The following SEMA5B variants were observed in gnomAD, a reference collection of about 807,000 sequenced individuals.
SEMA5B encodes the protein semaphorin 5B.
SEMA5B carries 66 observed loss-of-function variants against 135.0 expected under a neutral mutation model. That is an observed-to-expected ratio of 0.49 (90% CI 0.40 to 0.60). The LOEUF is 0.60. Ranked by LOEUF, SEMA5B falls within the 20% of genes least tolerant of loss-of-function variation. The probability of loss-of-function intolerance (pLI) is 0.00; values close to 1 mark genes in which losing one functional copy is unlikely to be tolerated. For missense variants in SEMA5B, 1,501 were observed against 1,566.3 expected, an observed-to-expected ratio of 0.96 and a Z score of 0.70; for synonymous variants, 690 against 639.5, an observed-to-expected ratio of 1.08 and a Z score of -1.19.
In SEMA5B at chr3:122,913,634, G is replaced by A. The variant is rs1205387351; in HGVS notation, c.2180C>T (p.Ser727Phe). The change falls in exon 16 of 23, where the codon TCC becomes TTC. Residue 727 changes from serine (S) to phenylalanine (F), a missense_variant. Physicochemically the swap from Ser to Phe is radical, Grantham distance 155. Transcript: ENST00000357599. ...TPCPVPIFWA[S>F]WGSWSKCSSN... Reference sequence around the variant, plus strand: ...GCTGCACTTGCTCCAGGAGCCCCAGGAAGCCCAGAAGATGGGCACCGGGCA... The same window carrying A: ...GCTGCACTTGCTCCAGGAGCCCCAGAAAGCCCAGAAGATGGGCACCGGGCA... 1.9e-6 allele frequency: 3 copies of A among 1,613,584 alleles called. No individual in the cohort carries two copies. The highest frequency in any genetic ancestry group is 2.5e-6 in the Non-Finnish European group (3 of 1,179,978).
chr3:122,910,989 G>A lies in SEMA5B; in HGVS notation c.3148C>T (p.Leu1050Phe), dbSNP rs757887384. 6.2e-7 allele frequency: 1 copy of A among 1,613,890 alleles called. No individual in the cohort carries two copies. The change falls in exon 22 of 23, where the codon CTC (leucine) becomes TTC (phenylalanine). Residue 1050 changes from leucine (L) to phenylalanine (F), a missense_variant. Around this residue, in one of 2 missense-constraint regions of SEMA5B, gnomAD observed 927 missense variants for 881.6 expected, o/e 1.05. Transcript: ENST00000357599. The part of the protein sequence containing the change: ...TGISCFLGSG[L>F]LTLAVYLSCQ... ...GACAGGTACACTGCTAGGGTCAGGA[G>A]CCCAGAGCCCAAGAAGCAGGAGATG...
chr3:122,911,060 G>A lies in SEMA5B; in HGVS notation c.3092-15C>T, dbSNP rs778724373. ...GAGATTGAACCCTAGGGGAAGAGAGGCAGGTAGTAAGATGAGGGCCACTGT... is the reference window on the plus strand; with the variant it reads ...GAGATTGAACCCTAGGGGAAGAGAGACAGGTAGTAAGATGAGGGCCACTGT... On this transcript the variant is annotated splice_polypyrimidine_tract_variant and intron_variant, in intron 21 of 22. Transcript: ENST00000357599. 1.2e-6 allele frequency: 2 copies of A among 1,600,670 alleles called. No individual in the cohort carries two copies. Among genetic ancestry groups the A allele is most frequent in the Non-Finnish European group, 1.7e-6 (2 of 1,170,534 alleles).
chr3:122,959,084 C>T (rs1940465127), intron 2 of SEMA5B, among the ~76,000 whole-genome samples: 1 of 152,148 alleles, frequency 6.6e-6, no homozygotes, highest in South Asian at 2.1e-4. Context: ...GAGGAGACAG[C>T]AAGATTGGGC....
chr3:122,912,241 AG>A lies in SEMA5B; in HGVS notation c.2826del (p.Ser943ProfsTer109). 6.2e-7 allele frequency: 1 copy of A among 1,611,886 alleles called. No homozygotes were observed. Among genetic ancestry groups the A allele is most frequent in the Non-Finnish European group, 8.5e-7 (1 of 1,178,842 alleles). On this transcript the variant is annotated frameshift_variant, in exon 19 of 23. Transcript: ENST00000357599. LOFTEE classifies it high-confidence loss of function. ...QRTRSCTSPAPSPGEDICLGL... is the reference protein window; with the variant it reads ...QRTRSCTSPAXSPGEDICLGL... ...CCGAGACAGATGTCCTCACCTGGGGAGGGTGCGGGGCTGGTGCAGGAACGGG... is the reference window on the plus strand; with the variant it reads ...CCGAGACAGATGTCCTCACCTGGGGAGGTGCGGGGCTGGTGCAGGAACGGG...
At chr3:122,985,959 G>T (rs1941683866) in intron 1 of SEMA5B, among the ~76,000 whole-genome samples, 1 of 152,110 alleles carries the variant, frequency 6.6e-6, no homozygotes, top group South Asian at 2.1e-4. Flanking sequence ...TAAAAATGAA[G>T]TGTTAGTAGA....
intron 2 of SEMA5B, among the ~76,000 whole-genome samples, chr3:122,950,670 A>T (rs1940006359): frequency 6.6e-6 from 1 of 152,252 alleles, no homozygotes; most frequent in African/African-American, 2.4e-5. Flanking sequence ...TTACGTAAGT[A>T]TCCATCTGTG....
In SEMA5B at chr3:123,020,489, C is replaced by T. The variant is rs534546462; in HGVS notation, c.-39+6975G>A. 2.0e-5 allele frequency among the ~76,000 whole-genome samples: 3 copies of T among 152,292 alleles called. No individual in the cohort carries two copies. In the East Asian group the frequency reaches 5.8e-4, roughly 29 times the overall value. ...TCACAATCAGCTTATAATAGAAAGTCATTAAATTCAGAACACAAACAGTAG... is the reference window on the plus strand; with the variant it reads ...TCACAATCAGCTTATAATAGAAAGTTATTAAATTCAGAACACAAACAGTAG... On this transcript the variant is annotated intron_variant, in intron 1 of 22. Transcript: ENST00000357599.
chr3:122,934,872 CAAA>C (rs71701473), intron 5 of SEMA5B, among the ~76,000 whole-genome samples: 4 of 132,300 alleles, frequency 3.0e-5, no homozygotes, highest in Non-Finnish European at 1.6e-5. Flanking sequence ...AGACCCACCT[CAAA>C]AAAAAAAAAA....
chr3:122,928,029 AC>A, intron 7 of SEMA5B, 26 bp from the exon 8 acceptor site: 1 of 1,422,908 alleles, frequency 7.0e-7, no homozygotes, highest in South Asian at 1.6e-5. Flanking sequence ...AGAAGGGGAC[AC>A]TTTTCCCTGA....
chr3:122,961,984 C>T (rs554837524), intron 1 of SEMA5B, among the ~76,000 whole-genome samples: 9 of 152,302 alleles, frequency 5.9e-5, no homozygotes, highest in South Asian at 4.2e-4. Flanking sequence ...ACCCTTCTTC[C>T]GCTGTTGCCT....
At chr3:123,003,617 G>A (rs1051455459) in intron 1 of SEMA5B, among the ~76,000 whole-genome samples, 1 of 152,156 alleles carries the variant, frequency 6.6e-6, no homozygotes, top group African/African-American at 2.4e-5. Flanking sequence ...GGCGAATCAC[G>A]AGGTCAGGAG....
At chr3:122,955,100 G>A (rs1305656547) in intron 2 of SEMA5B, among the ~76,000 whole-genome samples, 2 of 151,320 alleles carry the variant, frequency 1.3e-5, no homozygotes, top group African/African-American at 4.9e-5. Context: ...TACCTGAGTA[G>A]TCATCATCTT....
At chr3:122,916,638 C>A (rs1182245947) in intron 12 of SEMA5B, among the ~76,000 whole-genome samples, 2 of 152,222 alleles carry the variant, frequency 1.3e-5, no homozygotes, top group African/African-American at 2.4e-5. Flanking sequence ...TCCCCTCACA[C>A]TTCTGCTTCC....
intron 1 of SEMA5B, among the ~76,000 whole-genome samples, chr3:122,972,490 T>A (rs1560390356): frequency 6.6e-6 from 1 of 152,154 alleles, no homozygotes; most frequent in Non-Finnish European, 1.5e-5. Context: ...ATGAGTCAAA[T>A]AAAATTAAAA....
intron 1 of SEMA5B, among the ~76,000 whole-genome samples, chr3:122,968,895 C>T (rs2107637091): frequency 6.6e-6 from 1 of 152,310 alleles, no homozygotes; most frequent in East Asian, 1.9e-4. Flanking sequence ...TGGGGATCCC[C>T]TCTTTTGAGC....
At chr3:122,974,472 T>A (rs1941242162) in intron 1 of SEMA5B, among the ~76,000 whole-genome samples, 1 of 152,262 alleles carries the variant, frequency 6.6e-6, no homozygotes, top group African/African-American at 2.4e-5. Context: ...GCCTCACTGC[T>A]GCCCCAGCCC....
At chr3:122,983,205 C>T (rs1941580058) in intron 1 of SEMA5B, among the ~76,000 whole-genome samples, 1 of 152,152 alleles carries the variant, frequency 6.6e-6, no homozygotes. Context: ...CTTCAAGGCT[C>T]GTCTCCTTTA....
intron 1 of SEMA5B, among the ~76,000 whole-genome samples, chr3:123,018,687 A>G (rs1283435956): frequency 1.3e-5 from 2 of 152,148 alleles, no homozygotes; most frequent in South Asian, 2.1e-4. Context: ...CAGGACCTCA[A>G]CCAAATCAGG....
intron 1 of SEMA5B, among the ~76,000 whole-genome samples, chr3:123,011,145 G>A (rs544571804): frequency 6.6e-6 from 1 of 152,208 alleles, no homozygotes; most frequent in Admixed American, 6.5e-5. Context: ...GCCATCTCAC[G>A]ACCCTCACTC....
Sources: gnomAD v4.1 joint callset for allele counts (sites outside exome capture counted in the v4.1 genomes callset) on GRCh38, gnomAD v4.1.1 for gene constraint, gnomAD v4.1.1 regional missense constraint, MANE v1.5 for transcripts, NCBI Gene and HGNC (gene_info 2026-07-23, HGNC 2026-07-21) for gene names.